Variants in CAMK2A observed in about 807,000 individuals in gnomAD.
CAMK2A encodes the protein calcium/calmodulin dependent protein kinase II alpha, also known as calcium/calmodulin-dependent protein kinase type II subunit alpha.
CAMK2A carries 7 observed loss-of-function variants against 79.2 expected under a neutral mutation model. That is an observed-to-expected ratio of 0.09 (90% CI 0.05 to 0.17). The LOEUF is 0.17. Among genes scored for constraint, CAMK2A ranks in the 10% least tolerant of loss-of-function variants. The pLI is 1.00. For synonymous variants in CAMK2A, 242 were observed against 251.7 expected, an observed-to-expected ratio of 0.96 and a Z score of 0.36; for missense variants, 214 against 646.4, an observed-to-expected ratio of 0.33 and a Z score of 7.25.
At position 150,219,838 on chromosome 5, in the gene CAMK2A, T is replaced by C. The variant is rs1167713781; in HGVS notation, c.*2872A>G. 6.7e-6 allele frequency: 1 copy of C among 150,304 alleles called. No individual in the cohort carries two copies. The highest frequency in any genetic ancestry group is 1.5e-5 in the Non-Finnish European group (1 of 67,584). 9.3% of individuals were successfully genotyped at this position (150,304 alleles called of 1,614,324 possible). A position where few individuals can be genotyped will look rare whatever the true frequency, so the allele number is the denominator to read the frequency against. The stretch of plus-strand genomic sequence containing the variant: ...ACGTGTTTTCATGCTGGAGCCAAGG[T>C]TTTGACTTGGGTTTGGATTTTTATT... On this transcript the variant is annotated 3_prime_UTR_variant, in exon 19 of 19. Coordinates refer to ENST00000671881, the MANE Select transcript of CAMK2A (RefSeq NM_015981.4).
At chr5:150,230,427 GC>G (rs1392916414) in intron 16 of CAMK2A, among the ~76,000 whole-genome samples, 2 of 151,552 alleles carry the variant, frequency 1.3e-5, no homozygotes, top group Non-Finnish European at 1.5e-5. Flanking sequence ...GGAACAGGCT[GC>G]CCAAGGAGCA....
chr5:150,263,440 TCACA>T (rs1300297264), intron 3 of CAMK2A, among the ~76,000 whole-genome samples: 1 of 150,070 alleles, frequency 6.7e-6, no homozygotes, highest in Non-Finnish European at 1.5e-5. Flanking sequence ...ACACACACAT[TCACA>T]CACTCACACA....
intron 3 of CAMK2A, among the ~76,000 whole-genome samples, chr5:150,260,936 G>A (rs187135580): frequency 6.6e-5 from 10 of 152,256 alleles, no homozygotes; most frequent in African/African-American, 9.6e-5. Flanking sequence ...CCTTTCCTGA[G>A]TGTAAGAAGC....
chr5:150,237,813 G>A (rs963431010), intron 15 of CAMK2A, among the ~76,000 whole-genome samples: 10 of 152,090 alleles, frequency 6.6e-5, no homozygotes, highest in East Asian at 1.9e-4. Context: ...CATAAATGAC[G>A]GCCCTTATTA....
At chr5:150,274,634 A>G (rs1209131476) in intron 1 of CAMK2A, among the ~76,000 whole-genome samples, 1 of 152,230 alleles carries the variant, frequency 6.6e-6, no homozygotes, top group African/African-American at 2.4e-5. Context: ...TCCCAAATCT[A>G]AATGTCCATG....
intron 3 of CAMK2A, among the ~76,000 whole-genome samples, chr5:150,259,434 GTTGT>G (rs1756207814): frequency 6.6e-6 from 1 of 151,370 alleles, no homozygotes; most frequent in Non-Finnish European, 1.5e-5. Context: ...AGGTGGGAGG[GTTGT>G]TTGAGCCCAG....
At position 150,223,064 on chromosome 5, in the gene CAMK2A, C is replaced by T. The variant is rs780762936; in HGVS notation, c.1391G>A (p.Arg464His). Residue 464 changes from arginine (R) to histidine (H), a missense_variant, in exon 18 of 19, where the codon CGT (arginine) becomes CAT (histidine). This residue lies in a region of CAMK2A where 123 missense variants were observed against 242.4 expected (regional missense o/e 0.51). Coordinates refer to ENST00000671881, the MANE Select transcript of CAMK2A (RefSeq NM_015981.4). This position sits in a 1 kb window ranked among gnomAD's most constrained non-coding sequence, Gnocchi z 4.1. The stretch of plus-strand genomic sequence containing the variant: ...TTTGCCATCCCGGCGGTGCCAGACA[C>T]GGGTCTCCTCCGACTGGGCGGTGCG... ...IPRTAQSEETRVWHRRDGKWQ... is the reference protein window; with the variant it reads ...IPRTAQSEETHVWHRRDGKWQ... The T allele has an allele frequency of 2.5e-6, 4 of 1,614,214 alleles. No homozygotes were observed. The highest frequency in any genetic ancestry group is 2.2e-5 in the East Asian group (1 of 44,886).
At chr5:150,235,424 G>T (rs1231946099) in intron 15 of CAMK2A, among the ~76,000 whole-genome samples, 2 of 152,216 alleles carry the variant, frequency 1.3e-5, no homozygotes, top group African/African-American at 4.8e-5. Context: ...GACAATCCGG[G>T]AATGCTCCCC....
intron 6 of CAMK2A, among the ~76,000 whole-genome samples, chr5:150,254,899 G>T (rs1221808230): frequency 6.6e-6 from 1 of 152,166 alleles, no homozygotes; most frequent in African/African-American, 2.4e-5. Context: ...TTGGGGAGGG[G>T]CTCAGAGTCT....
At chr5:150,265,544 C>A (rs887566728) in intron 2 of CAMK2A, 38 of 157,076 alleles carry the variant, frequency 2.4e-4, no homozygotes, top group Non-Finnish European at 4.7e-4. Flanking sequence ...ACAGCATGAC[C>A]CACTCAGTCT....
At chr5:150,226,582 T>C (rs1214828951) in intron 17 of CAMK2A, among the ~76,000 whole-genome samples, 6 of 151,316 alleles carry the variant, frequency 4.0e-5, no homozygotes, top group Non-Finnish European at 5.9e-5. Context: ...ACTAAAAATA[T>C]AAAAATTAGC....
intron 13 of CAMK2A, among the ~76,000 whole-genome samples, chr5:150,240,257 G>T (rs969513198): frequency 2.0e-5 from 3 of 152,210 alleles, no homozygotes; most frequent in Non-Finnish European, 4.4e-5. Flanking sequence ...GGTCCCCTCT[G>T]AGGAGTTTGA....
chr5:150,241,832 C>T (rs1755358654), intron 13 of CAMK2A, among the ~76,000 whole-genome samples: 2 of 151,694 alleles, frequency 1.3e-5, no homozygotes. Context: ...CTTTCCTCCA[C>T]TCCCCTCCCC....
intron 11 of CAMK2A, 77 bp downstream of exon 11, chr5:150,250,149 C>T (rs1379398282): frequency 1.4e-5 from 14 of 1,014,928 alleles, no homozygotes; most frequent in Admixed American, 8.8e-5. Flanking sequence ...AATTAGTGAG[C>T]GAGTCTCCTG....
At chr5:150,234,063 T>C (rs1754962895) in intron 15 of CAMK2A, among the ~76,000 whole-genome samples, 1 of 152,206 alleles carries the variant, frequency 6.6e-6, no homozygotes, top group Non-Finnish European at 1.5e-5. Context: ...TCTGCCCGCC[T>C]TGGCCTCAAA....
chr5:150,280,838 G>C (rs552329617), intron 1 of CAMK2A, among the ~76,000 whole-genome samples: 2 of 152,044 alleles, frequency 1.3e-5, no homozygotes, highest in African/African-American at 2.4e-5. Flanking sequence ...TGCTGCTCCC[G>C]GCCTCTTTCT....
chr5:150,224,743 A>C (rs910472799), intron 17 of CAMK2A, among the ~76,000 whole-genome samples: 3 of 152,174 alleles, frequency 2.0e-5, no homozygotes, highest in Non-Finnish European at 4.4e-5. Context: ...CCCTGACAGC[A>C]TTCAGGGCTG....
In CAMK2A at chr5:150,221,387, G is replaced by A. The variant is rs556864595; in HGVS notation, c.*1323C>T. On this transcript the variant is annotated 3_prime_UTR_variant, in exon 19 of 19. Coordinates refer to ENST00000671881, the MANE Select transcript of CAMK2A (RefSeq NM_015981.4). ...CAGTGCTTTGCTGTGGTCATCAGACGCCAAGGGGAGAGAGGCAATGAAGAC... is the reference window on the plus strand; with the variant it reads ...CAGTGCTTTGCTGTGGTCATCAGACACCAAGGGGAGAGAGGCAATGAAGAC... The A allele has an allele frequency of 3.6e-4, 142 of 398,654 alleles. No homozygotes were observed. The highest frequency in any genetic ancestry group is 1.9e-3 in the Middle Eastern group (3 of 1,588). The allele number at this position is 398,654 out of a possible 1,614,324, so 24.7% of individuals were successfully genotyped here.
intron 3 of CAMK2A, among the ~76,000 whole-genome samples, chr5:150,263,340 A>G (rs1226582929): frequency 6.6e-6 from 1 of 152,084 alleles, no homozygotes; most frequent in East Asian, 1.9e-4. Context: ...CAACACACAC[A>G]CACATTCACA....
Sources: gnomAD v4.1 joint callset for allele counts (sites outside exome capture counted in the v4.1 genomes callset) on GRCh38, gnomAD v4.1.1 for gene constraint, gnomAD v4.1.1 regional missense constraint, Gnocchi (gnomAD v3.1) non-coding constraint, MANE v1.5 for transcripts, NCBI Gene and HGNC (gene_info 2026-07-23, HGNC 2026-07-21) for gene names.